Variants in DLGAP2 observed in about 807,000 individuals in gnomAD.
DLGAP2 encodes the protein DLG associated protein 2, also known as disks large-associated protein 2.
A neutral mutation model predicts 100.3 loss-of-function variants in DLGAP2; 26 were observed. That is an observed-to-expected ratio of 0.26 (90% CI 0.19 to 0.36). The LOEUF is 0.36. Ranked by LOEUF, DLGAP2 falls within the 10% of genes least tolerant of loss-of-function variation. DLGAP2 has a pLI of 1.00. For synonymous variants in DLGAP2, 886 were observed against 630.1 expected, an observed-to-expected ratio of 1.41 and a Z score of -6.08; for missense variants, 1,858 against 1,453.2, an observed-to-expected ratio of 1.28 and a Z score of -4.53.
chr8:1,245,984 A>G (rs1308887026), intron 2 of DLGAP2, among the ~76,000 whole-genome samples: 2 of 152,134 alleles, frequency 1.3e-5, no homozygotes, highest in Non-Finnish European at 2.9e-5. Flanking sequence ...AAATGCATCT[A>G]TTGAGGAAGA....
intron 1 of DLGAP2, among the ~76,000 whole-genome samples, chr8:795,057 C>T (rs866666545): frequency 3.3e-5 from 5 of 152,182 alleles, no homozygotes; most frequent in South Asian, 2.1e-4. Context: ...ACTTGGCATA[C>T]GGACCACAGA....
rs76138813 is a variant in DLGAP2 at position 1,157,466 on chromosome 8, A to G, written c.74-101385A>G. 5.5e-3 allele frequency among the ~76,000 whole-genome samples: 842 copies of G among 152,276 alleles called. 7 individuals are homozygous for G. The highest frequency in any genetic ancestry group is 0.02 in the African/African-American group (812 of 41,552). On this transcript the variant is annotated intron_variant, in intron 2 of 14. Coordinates refer to ENST00000637795, the MANE Select transcript of DLGAP2 (RefSeq NM_001346810.2). Reference sequence around the variant, plus strand: ...AATGTTTTTCATTCCCTTTCAGTCTAAAGTTTTCATTCCCATCTCCCAGCC... The same window carrying G: ...AATGTTTTTCATTCCCTTTCAGTCTGAAGTTTTCATTCCCATCTCCCAGCC...
Position 1,704,631 on chromosome 8 carries a change from T to C in DLGAP2, c.*3225T>C, listed in dbSNP as rs531072396. On this transcript the variant is annotated 3_prime_UTR_variant, in exon 15 of 15. Coordinates refer to ENST00000637795, the MANE Select transcript of DLGAP2 (RefSeq NM_001346810.2). ...TATAAAAAAATTGAACTGTTTATGATACCAAAAAAATTACAGTTTTGTTTA... is the reference window on the plus strand; with the variant it reads ...TATAAAAAAATTGAACTGTTTATGACACCAAAAAAATTACAGTTTTGTTTA... 1 of 152,360 alleles carries C rather than the reference T, an allele frequency of 6.6e-6. No homozygotes were observed. Among genetic ancestry groups the C allele is most frequent in the East Asian group, 1.9e-4 (1 of 5,190 alleles). 9.4% of individuals were successfully genotyped at this position (152,360 alleles called of 1,614,324 possible). A position where few individuals can be genotyped will look rare whatever the true frequency, so the allele number is the denominator to read the frequency against.
intron 1 of DLGAP2, among the ~76,000 whole-genome samples, chr8:760,654 C>G (rs963010479): frequency 6.6e-6 from 1 of 152,198 alleles, no homozygotes; most frequent in Non-Finnish European, 1.5e-5. Flanking sequence ...CTCCTGCTCT[C>G]ATGGCATAGT....
chr8:1,435,271 A>C (rs1004801877), intron 3 of DLGAP2, among the ~76,000 whole-genome samples: 1 of 152,164 alleles, frequency 6.6e-6, no homozygotes, highest in Non-Finnish European at 1.5e-5. Context: ...TGTAAGAATA[A>C]ATGTGAGTTA....
intron 2 of DLGAP2, among the ~76,000 whole-genome samples, chr8:990,379 C>G (rs1800635978): frequency 9.6e-6 from 1 of 104,502 alleles, no homozygotes; most frequent in African/African-American, 3.6e-5. Flanking sequence ...CCTGCACCCC[C>G]ATACTCGGAG....
At chr8:1,029,412 G>A (rs1446860810) in intron 2 of DLGAP2, among the ~76,000 whole-genome samples, 2 of 152,212 alleles carry the variant, frequency 1.3e-5, no homozygotes, top group Non-Finnish European at 2.9e-5. Context: ...AAACTGGAGC[G>A]AGAGGCATCA....
chr8:1,556,119 G>A (rs1801957443), intron 5 of DLGAP2, among the ~76,000 whole-genome samples: 1 of 152,218 alleles, frequency 6.6e-6, no homozygotes. Context: ...TGGGTCCTTG[G>A]ATTCTGTGAT....
chr8:800,968 TC>T (rs765550431), intron 1 of DLGAP2, among the ~76,000 whole-genome samples: 50 of 151,634 alleles, frequency 3.3e-4, no homozygotes, highest in Non-Finnish European at 5.9e-4. Flanking sequence ...CCTTCCTGGG[TC>T]CCCATCCACC....
intron 3 of DLGAP2, among the ~76,000 whole-genome samples, chr8:1,305,950 G>A (rs2117006021): frequency 6.6e-6 from 1 of 152,066 alleles, no homozygotes; most frequent in East Asian, 1.9e-4. Context: ...TGATAGTATA[G>A]GGAACAACTA....
chr8:1,148,610 T>A (rs1796646436), intron 2 of DLGAP2, among the ~76,000 whole-genome samples: 1 of 152,138 alleles, frequency 6.6e-6, no homozygotes, highest in African/African-American at 2.4e-5. Context: ...GTATTAACAT[T>A]TAATAATTGA....
chr8:1,132,957 C>T (rs1177064223), intron 2 of DLGAP2, among the ~76,000 whole-genome samples: 1 of 152,148 alleles, frequency 6.6e-6, no homozygotes, highest in East Asian at 1.9e-4. Flanking sequence ...TTCTCCAAGG[C>T]CCTCAGGGAG....
At chr8:1,636,018 C>T (rs1255716044) in intron 8 of DLGAP2, among the ~76,000 whole-genome samples, 2 of 152,196 alleles carry the variant, frequency 1.3e-5, no homozygotes, top group Admixed American at 6.5e-5. Context: ...AACGTTCCTT[C>T]GTCCCACCGT....
intron 2 of DLGAP2, among the ~76,000 whole-genome samples, chr8:1,177,654 C>G (rs943981240): frequency 2.6e-5 from 4 of 152,194 alleles, no homozygotes; most frequent in African/African-American, 7.2e-5. Context: ...ATACCCCACA[C>G]TAGGTCATTT....
intron 3 of DLGAP2, among the ~76,000 whole-genome samples, chr8:1,346,407 A>C (rs1388316271): frequency 9.3e-5 from 14 of 150,618 alleles, no homozygotes; most frequent in Admixed American, 9.3e-4. Flanking sequence ...CACTCACGGT[A>C]GCTGTGTGGA....
chr8:750,388 A>G (rs1444236967), intron 1 of DLGAP2, among the ~76,000 whole-genome samples: 1 of 152,248 alleles, frequency 6.6e-6, no homozygotes, highest in East Asian at 1.9e-4. Context: ...TCTAATGAAA[A>G]CATTTCGAAT....
chr8:1,179,672 A>G (rs1797338983), intron 2 of DLGAP2, among the ~76,000 whole-genome samples: 1 of 152,262 alleles, frequency 6.6e-6, no homozygotes, highest in African/African-American at 2.4e-5. Flanking sequence ...TTTGTGTTTT[A>G]AACATATATT....
At chr8:1,450,971 C>T (rs1033159519) in intron 3 of DLGAP2, among the ~76,000 whole-genome samples, 1 of 152,112 alleles carries the variant, frequency 6.6e-6, no homozygotes, top group Non-Finnish European at 1.5e-5. Flanking sequence ...CATCATACCT[C>T]GTAAGGGCGC....
chr8:825,041 G>A (rs190899488), intron 1 of DLGAP2, among the ~76,000 whole-genome samples: 2 of 152,260 alleles, frequency 1.3e-5, no homozygotes, highest in Admixed American at 6.5e-5. Context: ...CTCCAGGTGC[G>A]AGTAAGATAC....
Sources: gnomAD v4.1 joint callset for allele counts (sites outside exome capture counted in the v4.1 genomes callset) on GRCh38, gnomAD v4.1.1 for gene constraint, MANE v1.5 for transcripts, NCBI Gene and HGNC (gene_info 2026-07-23, HGNC 2026-07-21) for gene names.